TXLNB: variants seen among roughly 807,000 people sequenced by gnomAD.
TXLNB encodes the protein beta-taxilin.
TXLNB carries 37 observed loss-of-function variants against 57.4 expected under a neutral mutation model. The ratio of observed to expected loss-of-function variants is 0.64; its 90% confidence interval spans 0.50 to 0.85. The LOEUF is 0.85. Among genes scored for constraint, TXLNB ranks in the 40% least tolerant of loss-of-function variants. TXLNB has a pLI of 0.00. For missense variants in TXLNB, 848 were observed against 825.6 expected (o/e 1.03, Z -0.33); for synonymous variants, 302 against 309.6 (o/e 0.98, Z 0.26).
chr6:139,319,337 C>T, the TXLNB span, among the ~76,000 whole-genome samples: 9 of 149,218 alleles, frequency 6.0e-5, no homozygotes, highest in Non-Finnish European at 1.2e-4. Context: ...TGAGCTCAAG[C>T]GATCTGCCTG....
chr6:139,267,847 G>T (rs1776652910), intron 4 of TXLNB, among the ~76,000 whole-genome samples: 1 of 152,074 alleles, frequency 6.6e-6, no homozygotes, highest in South Asian at 2.1e-4. Context: ...AGATAATGTA[G>T]ACATCCAGAC....
At chr6:139,208,526 A>T in the TXLNB span, among the ~76,000 whole-genome samples, 2 of 152,226 alleles carry the variant, frequency 1.3e-5, no homozygotes, top group African/African-American at 4.8e-5. Flanking sequence ...TGATGAACAT[A>T]GATGCAAAAA....
the TXLNB span, among the ~76,000 whole-genome samples, chr6:139,182,005 A>G: frequency 1.3e-5 from 2 of 152,234 alleles, no homozygotes; most frequent in Admixed American, 1.3e-4. Flanking sequence ...TTTCATCATG[A>G]AAAGACTTGA....
chr6:139,274,302 A>C (rs1776839681), intron 3 of TXLNB, among the ~76,000 whole-genome samples: 1 of 152,192 alleles, frequency 6.6e-6, no homozygotes, highest in South Asian at 2.1e-4. Context: ...GAATTTGATG[A>C]TTTATTCTAT....
At chr6:139,323,005 C>T in the TXLNB span, among the ~76,000 whole-genome samples, 1 of 152,126 alleles carries the variant, frequency 6.6e-6, no homozygotes, top group Admixed American at 6.5e-5. Flanking sequence ...TCCCTAAATC[C>T]CTTTATCTCT....
chr6:139,278,473 G>A (rs1017060266), intron 2 of TXLNB, among the ~76,000 whole-genome samples: 42 of 152,068 alleles, frequency 2.8e-4, no homozygotes, highest in African/African-American at 1.0e-3. Context: ...CTGACGCCTC[G>A]CCCCTGCCAG....
At chr6:139,172,706 T>C in the TXLNB span, among the ~76,000 whole-genome samples, 1 of 152,224 alleles carries the variant, frequency 6.6e-6, no homozygotes, top group African/African-American at 2.4e-5. Context: ...AGTTTGCCTG[T>C]AGGTTACGGA....
the TXLNB span, among the ~76,000 whole-genome samples, chr6:139,189,090 G>T: frequency 1.3e-4 from 20 of 152,290 alleles, no homozygotes; most frequent in African/African-American, 4.6e-4. Flanking sequence ...TATGTAGGTG[G>T]GATATAACCT....
the TXLNB span, among the ~76,000 whole-genome samples, chr6:139,217,864 C>CAAAAAAAAAA: frequency 3.9e-5 from 2 of 51,900 alleles, no homozygotes; most frequent in East Asian, 5.8e-4. Flanking sequence ...GCAAGAGTCT[C>CAAAAAAAAAA]AAAAAAAAAA....
chr6:139,192,771 C>T, the TXLNB span, among the ~76,000 whole-genome samples: 2 of 131,808 alleles, frequency 1.5e-5, no homozygotes, highest in South Asian at 4.6e-4. Context: ...AGTAAAACCC[C>T]GTCTCTACTA....
intron 3 of TXLNB, among the ~76,000 whole-genome samples, chr6:139,273,034 CA>C (rs987370891): frequency 1.4e-5 from 2 of 148,006 alleles, no homozygotes; most frequent in East Asian, 2.0e-4. Context: ...GACTCCATCT[CA>C]AAAAAAAAGA....
the TXLNB span, among the ~76,000 whole-genome samples, chr6:139,187,723 G>A: frequency 0.55 from 82,870 of 151,862 alleles, 23,522 homozygotes; most frequent in Non-Finnish European, 0.58. Flanking sequence ...TCATCTGGCC[G>A]AGGTCATTCA....
the TXLNB span, among the ~76,000 whole-genome samples, chr6:139,210,742 G>T: frequency 6.6e-6 from 1 of 152,224 alleles, no homozygotes; most frequent in South Asian, 2.1e-4. Context: ...TCAAAGAAAG[G>T]GGTGACAGAT....
At position 139,288,834 on chromosome 6, in the gene TXLNB, T is replaced by C. The variant is rs1777240874; in HGVS notation, c.66A>G (p.Ser22=). Residue 22 remains serine, a synonymous_variant, in exon 2 of 10, where the codon TCA becomes TCG. Coordinates refer to ENST00000358430, the MANE Select transcript of TXLNB (RefSeq NM_153235.4). ...CCAGGCCATTGTGACTGGGTAATGA[T>C]GAACTGTCACCTGGAGGTGTTGACT... ...ERQSTPPGDS[S]SLPSHNGLEK... The C allele has an allele frequency of 1.8e-5, 29 of 1,614,190 alleles. 1 individual carries two copies. In the East Asian group the frequency reaches 5.6e-4, roughly 31 times the overall value.
At chr6:139,212,584 A>C in the TXLNB span, among the ~76,000 whole-genome samples, 2 of 151,312 alleles carry the variant, frequency 1.3e-5, no homozygotes, top group Non-Finnish European at 2.9e-5. Context: ...CGAGCAAAAT[A>C]ACCAGCTAAC....
chr6:139,194,963 C>A, the TXLNB span, among the ~76,000 whole-genome samples: 1 of 152,242 alleles, frequency 6.6e-6, no homozygotes, highest in Non-Finnish European at 1.5e-5. Context: ...AACACAGTGG[C>A]TTAAAACAAC....
In TXLNB at chr6:139,241,346, G is replaced by A. The variant is rs1424080225; in HGVS notation, c.*1180C>T. The A allele has an allele frequency of 6.6e-6, 1 of 152,224 alleles. No homozygotes were observed. The allele number at this position is 152,224 out of a possible 1,614,324, so 9.4% of individuals were successfully genotyped here. A position where few individuals can be genotyped will look rare whatever the true frequency, so the allele number is the denominator to read the frequency against. On this transcript the variant is annotated 3_prime_UTR_variant, in exon 10 of 10. Transcript: ENST00000358430. ...AGCTTTATTTAGCATTAATTGAGAT[G>A]AGGGCTGGGTGTAATTTCCTGCTAC...
At chr6:139,318,234 CA>C in the TXLNB span, among the ~76,000 whole-genome samples, 1 of 135,766 alleles carries the variant, frequency 7.4e-6, no homozygotes, top group African/African-American at 2.8e-5. Context: ...CACGCCACTG[CA>C]CTCCAGCCTG....
At chr6:139,183,660 A>C in the TXLNB span, 1 of 152,180 alleles carries the variant, frequency 6.6e-6, no homozygotes, top group Non-Finnish European at 1.5e-5. Flanking sequence ...TTGACTAAAG[A>C]AAAAAATAGC....
Sources: gnomAD v4.1 joint callset for allele counts (sites outside exome capture counted in the v4.1 genomes callset) on GRCh38, gnomAD v4.1.1 for gene constraint, MANE v1.5 for transcripts, NCBI Gene and HGNC (gene_info 2026-07-23, HGNC 2026-07-21) for gene names.